ACAA1: variants seen among roughly 807,000 people sequenced by gnomAD.
The protein encoded by ACAA1 is 3-ketoacyl-CoA thiolase, peroxisomal.
ACAA1 carries 44 observed loss-of-function variants against 48.8 expected under a neutral mutation model. The observed-to-expected ratio is 0.90, with a 90% confidence interval of 0.71 to 1.16. The LOEUF is 1.16. ACAA1 is among the 50% of genes most tolerant of loss of function. The probability of loss-of-function intolerance (pLI) is 0.00; values close to 1 mark genes in which losing one functional copy is unlikely to be tolerated. For synonymous variants in ACAA1, 233 were observed against 226.5 expected, an observed-to-expected ratio of 1.03 and a Z score of -0.26; for missense variants, 512 against 562.3, an observed-to-expected ratio of 0.91 and a Z score of 0.90.
Position 38,126,687 on chromosome 3 carries a change from G to A in ACAA1, c.640C>T (p.Gln214Ter). 6.2e-7 allele frequency: 1 copy of A among 1,613,594 alleles called. No homozygotes were observed. The highest frequency in any genetic ancestry group is 8.5e-7 in the Non-Finnish European group (1 of 1,180,004). ...LASQQKAARA[Q>*]SKGCFQAEIV... ...TCAGCTTGGAAACAGCCCTTGCTCTGGGCTCTTGCTGCCCTGCCAGCACCA... is the reference window on the plus strand; with the variant it reads ...TCAGCTTGGAAACAGCCCTTGCTCTAGGCTCTTGCTGCCCTGCCAGCACCA... The change falls in exon 8 of 12, where the codon CAG becomes TAG. Residue 214 changes from glutamine (Q) to a stop codon, truncating the protein, a stop_gained. Transcript: ENST00000333167. LOFTEE classifies it high-confidence loss of function. This position sits in a 1 kb window ranked among gnomAD's most constrained non-coding sequence, Gnocchi z 4.7.
chr3:38,127,410 G>T (rs1033027521), intron 7 of ACAA1, among the ~76,000 whole-genome samples: 3 of 152,138 alleles, frequency 2.0e-5, no homozygotes, highest in African/African-American at 7.2e-5. Flanking sequence ...ATCGTCCTCA[G>T]TTCTTGCCTC....
At chr3:38,133,217 A>C (rs1030553698) in intron 3 of ACAA1, among the ~76,000 whole-genome samples, 4 of 152,130 alleles carry the variant, frequency 2.6e-5, no homozygotes, top group Admixed American at 2.6e-4. Context: ...CAGAATGACC[A>C]TATCAGGGAA....
At position 38,127,817 on chromosome 3, in the gene ACAA1, GC is replaced by G. The variant is rs749598185; in HGVS notation, c.594del (p.Lys198AsnfsTer29). 1.4e-5 allele frequency: 23 copies of G among 1,614,182 alleles called. No homozygotes were observed. In the South Asian group the frequency reaches 2.2e-4, roughly 15 times the overall value. On this transcript the variant is annotated frameshift_variant, in exon 7 of 12. Coordinates refer to ENST00000333167, the MANE Select transcript of ACAA1 (RefSeq NM_001607.4). LOFTEE classifies it high-confidence loss of function. ...TGGGAAGCCAGGGCAAAGGTATCCT[GC>G]TTCTCCCGTGAAATGCCAAACCGCT... Reference protein sequence around the residue: ...VAERFGISREKQDTFALASQQ... With the variant: ...VAERFGISREXQDTFALASQQ...
At chr3:38,133,831 C>G in intron 3 of ACAA1, 121 bp downstream of exon 3, 1 of 971,000 alleles carries the variant, frequency 1.0e-6, no homozygotes, top group South Asian at 1.4e-5. Flanking sequence ...GCCAAGGACT[C>G]TCGTTGCCTC....
intron 9 of ACAA1, 85 bp from the exon 10 acceptor site, chr3:38,125,966 C>T (rs1700672853): frequency 1.3e-6 from 2 of 1,588,080 alleles, no homozygotes; most frequent in Admixed American, 3.3e-5. Context: ...TACAGGCTGC[C>T]TGGTGTGTGT....
chr3:38,134,413 A>T (rs1470968169), intron 2 of ACAA1: 3 of 444,214 alleles, frequency 6.8e-6, no homozygotes, highest in Non-Finnish European at 1.3e-5. Flanking sequence ...CCGCTGGATA[A>T]GACTCTTGCC....
chr3:38,123,219 A>AT, intron 11 of ACAA1, 97 bp from the exon 12 acceptor site: 2 of 1,220,708 alleles, frequency 1.6e-6, no homozygotes, highest in Non-Finnish European at 2.4e-6. Flanking sequence ...AGTAGGATGC[A>AT]AAACCATCAG....
intron 2 of ACAA1, among the ~76,000 whole-genome samples, chr3:38,136,210 G>C (rs1230406250): frequency 2.0e-5 from 3 of 152,186 alleles, no homozygotes; most frequent in African/African-American, 4.8e-5. Context: ...ATTTTTCTTA[G>C]TACAGATCAA....
In ACAA1 at chr3:38,126,433, A is replaced by G; in HGVS notation, c.817+77T>C. 6.2e-7 allele frequency: 1 copy of G among 1,610,276 alleles called. No individual in the cohort carries two copies. Among genetic ancestry groups the G allele is most frequent in the Non-Finnish European group, 8.5e-7 (1 of 1,177,518 alleles). ...TCTACTTTGCAGAGGGGCCTGGTCT[A>G]TTCCAGGTTCCCAGAGTACAGCACC... On this transcript the variant is annotated intron_variant, in intron 8 of 11. Transcript: ENST00000333167. This position sits in a 1 kb window ranked among gnomAD's most constrained non-coding sequence, Gnocchi z 4.7.
intron 6 of ACAA1, among the ~76,000 whole-genome samples, chr3:38,128,900 A>G (rs944083578): frequency 2.6e-5 from 4 of 152,174 alleles, no homozygotes; most frequent in African/African-American, 9.6e-5. Flanking sequence ...CAAATGCCAC[A>G]TACTTTTCTT....
chr3:38,131,692 A>G (rs2125769193), intron 4 of ACAA1, 54 bp from the exon 5 acceptor site: 3 of 1,589,854 alleles, frequency 1.9e-6, no homozygotes, highest in South Asian at 1.1e-5. Context: ...CTGTTCTGGA[A>G]GCAGTGGAGC....
intron 3 of ACAA1, 176 bp from the exon 4 acceptor site, chr3:38,132,181 G>A (rs997455215): frequency 2.4e-5 from 12 of 500,060 alleles, no homozygotes; most frequent in Non-Finnish European, 4.0e-5. Flanking sequence ...AGCAGCTACT[G>A]GGCAGACCCC....
chr3:38,131,837 T>C, intron 4 of ACAA1, 89 bp downstream of exon 4: 1 of 1,360,220 alleles, frequency 7.4e-7, no homozygotes, highest in East Asian at 2.3e-5. Context: ...TCCTCAGAAA[T>C]GGTAATTATT....
At position 38,127,814 on chromosome 3, in the gene ACAA1, C is replaced by G. The variant is rs776755849; in HGVS notation, c.598G>C (p.Asp200His). The G allele has an allele frequency of 6.2e-6, 10 of 1,614,086 alleles. No homozygotes were observed. The Admixed American group carries it at 1.7e-4, about 27-fold the overall frequency. The change falls in exon 7 of 12, where the codon GAT (aspartate) becomes CAT (histidine). Residue 200 changes from aspartate (D) to histidine (H), a missense_variant. Transcript: ENST00000333167. ...ERFGISREKQ[D>H]TFALASQQKA... is the part of the protein sequence containing the mutation. ...TGCTGGGAAGCCAGGGCAAAGGTAT[C>G]CTGCTTCTCCCGTGAAATGCCAAAC... is the stretch of plus-strand genomic sequence containing the variant.
Position 38,122,965 on chromosome 3 carries a change from G to T in ACAA1, c.*82C>A. ...CACCACCAGTGCTGAGTTTTCCCATGTGGTTTTGCTTTTGTGGTGTTACTG... is the reference window on the plus strand; with the variant it reads ...CACCACCAGTGCTGAGTTTTCCCATTTGGTTTTGCTTTTGTGGTGTTACTG... On this transcript the variant is annotated 3_prime_UTR_variant, in exon 12 of 12. Transcript: ENST00000333167. 1 of 1,417,770 alleles carries T rather than the reference G, an allele frequency of 7.1e-7. No individual in the cohort carries two copies. The highest frequency in any genetic ancestry group is 9.9e-7 in the Non-Finnish European group (1 of 1,008,518). The allele number at this position is 1,417,770 out of a possible 1,614,324, so 87.8% of individuals were successfully genotyped here. A position where few individuals can be genotyped will look rare whatever the true frequency, so the allele number is the denominator to read the frequency against.
chr3:38,136,769 G>T, intron 1 of ACAA1, 84 bp from the exon 2 acceptor site: 1 of 1,487,006 alleles, frequency 6.7e-7, no homozygotes, highest in Non-Finnish European at 8.9e-7. Context: ...TGGGTGCGGA[G>T]CTGCCTCCGG....
At chr3:38,127,461 T>A (rs1194650039) in intron 7 of ACAA1, among the ~76,000 whole-genome samples, 2 of 152,192 alleles carry the variant, frequency 1.3e-5, no homozygotes, top group African/African-American at 4.8e-5. Flanking sequence ...GAAGCTAGGA[T>A]GCCAGAGTCC....
At chr3:38,123,377 T>C in intron 11 of ACAA1, 2 of 486,836 alleles carry the variant, frequency 4.1e-6, no homozygotes, top group Non-Finnish European at 3.7e-6. Flanking sequence ...AGGGTGTTTC[T>C]GTGTGCATGT....
rs776957227 is a variant in ACAA1 at position 38,126,356 on chromosome 3, T to C, written c.818-15A>G. 1 of 1,612,666 alleles carries C rather than the reference T, an allele frequency of 6.2e-7. No individual in the cohort carries two copies. Among genetic ancestry groups the C allele is most frequent in the Non-Finnish European group, 8.5e-7 (1 of 1,179,148 alleles). On this transcript the variant is annotated splice_polypyrimidine_tract_variant and intron_variant, in intron 8 of 11. Coordinates refer to ENST00000333167, the MANE Select transcript of ACAA1 (RefSeq NM_001607.4). The surrounding 1 kb of genome is among the most constrained non-coding windows in gnomAD (Gnocchi z 4.7). ...GCTAGAGTTTCCTAGGGGCAAACTG[T>C]TGGGGTAAGAAGGCATCGGGGTGGG... is the stretch of plus-strand genomic sequence containing the variant.
Sources: allele counts gnomAD v4.1 joint callset (sites outside exome capture counted in the v4.1 genomes callset), GRCh38; gene constraint gnomAD v4.1.1; non-coding constraint Gnocchi (gnomAD v3.1); transcripts MANE v1.5; gene names NCBI Gene and HGNC (gene_info 2026-07-23, HGNC 2026-07-21).